MRPS23: variants seen among roughly 807,000 people sequenced by gnomAD.
MRPS23 encodes the protein small ribosomal subunit protein mS23.
Under a neutral mutation model 19.8 loss-of-function variants are expected in MRPS23, and 14 were observed. The ratio of observed to expected loss-of-function variants is 0.71; its 90% CI spans 0.47 to 1.11. MRPS23 has a LOEUF of 1.11. Ranked by LOEUF, MRPS23 falls within the 50% of genes least tolerant of loss-of-function variation. The probability of loss-of-function intolerance (pLI) is 0.00; values close to 1 mark genes in which losing one functional copy is unlikely to be tolerated. For synonymous variants in MRPS23, 113 were observed against 89.7 expected, an observed-to-expected ratio of 1.26 and a Z score of -1.47; for missense variants, 242 against 236.7, an observed-to-expected ratio of 1.02 and a Z score of -0.15.
At chr17:57,849,197 G>A (rs1431589155) in intron 2 of MRPS23, 43 bp downstream of exon 2, 1 of 1,590,398 alleles carries the variant, frequency 6.3e-7, no homozygotes, top group Admixed American at 1.7e-5. Context: ...CTTCCCTTCT[G>A]AAGTTCTGTT....
At chr17:57,843,372 T>C (rs1335187116) in intron 2 of MRPS23, among the ~76,000 whole-genome samples, 1 of 152,196 alleles carries the variant, frequency 6.6e-6, no homozygotes, top group Non-Finnish European at 1.5e-5. Context: ...TAGTTTTAAT[T>C]TGCTTTTCTT....
At chr17:57,847,292 C>CAAA (rs754912035) in intron 2 of MRPS23, among the ~76,000 whole-genome samples, 1 of 85,028 alleles carries the variant, frequency 1.2e-5, no homozygotes, top group African/African-American at 4.5e-5. Context: ...GACTCCATCT[C>CAAA]AAAAAAAAAA....
chr17:57,849,771 T>C (rs1281350240), intron 1 of MRPS23, 196 bp downstream of exon 1: 2 of 673,036 alleles, frequency 3.0e-6, no homozygotes, highest in East Asian at 2.8e-5. Context: ...ACATGACACA[T>C]AAATTCAAGG....
At chr17:57,849,689 C>G in intron 1 of MRPS23, 1 of 595,458 alleles carries the variant, frequency 1.7e-6, no homozygotes, top group South Asian at 2.2e-5. Flanking sequence ...ATAAGGAAGG[C>G]CCATCAGGCT....
At position 57,844,693 on chromosome 17, in the gene MRPS23, C is replaced by CTT. The variant is rs1444340575; in HGVS notation, c.216-3434_216-3433insAA. 3.3e-5 allele frequency among the ~76,000 whole-genome samples: 5 copies of CTT among 149,994 alleles called. No homozygotes were observed. The East Asian group carries it at 9.8e-4, about 29-fold the overall frequency. On this transcript the variant is annotated intron_variant, in intron 2 of 4. Coordinates refer to ENST00000313608, the MANE Select transcript of MRPS23 (RefSeq NM_016070.4). Reference sequence around the variant, plus strand: ...GGCTGAGAAGGAGAAATGCTTGAACCCGGGAGGTGGAGGCTGCAGTGAGCT... The same window carrying CTT: ...GGCTGAGAAGGAGAAATGCTTGAACCTTCGGGAGGTGGAGGCTGCAGTGAGCT...
chr17:57,842,836 A>G (rs377300881), intron 2 of MRPS23, among the ~76,000 whole-genome samples: 9 of 148,654 alleles, frequency 6.1e-5, no homozygotes, highest in African/African-American at 1.7e-4. Context: ...CAGCTTGGGC[A>G]ACATGGTGAG....
At chr17:57,840,652 C>CAATA (rs1363404363) in intron 4 of MRPS23, 69 of 266,900 alleles carry the variant, frequency 2.6e-4, no homozygotes, top group African/African-American at 1.4e-3. Flanking sequence ...AATATTTTAA[C>CAATA]AATAAATAAA....
At chr17:57,848,011 T>G (rs2144880176) in intron 2 of MRPS23, among the ~76,000 whole-genome samples, 1 of 151,856 alleles carries the variant, frequency 6.6e-6, no homozygotes, top group South Asian at 2.1e-4. Flanking sequence ...AAAAAAAAAT[T>G]CTTAAATAAT....
At chr17:57,846,266 G>A (rs1181352363) in intron 2 of MRPS23, among the ~76,000 whole-genome samples, 11 of 109,606 alleles carry the variant, frequency 1.0e-4, no homozygotes, top group Middle Eastern at 4.1e-3. Context: ...GGTAGCCACC[G>A]CCCGACCAGC....
intron 2 of MRPS23, among the ~76,000 whole-genome samples, chr17:57,846,928 A>T (rs1031477315): frequency 2.2e-5 from 2 of 90,370 alleles, no homozygotes; most frequent in Admixed American, 2.1e-4. Context: ...TATAAAAAAT[A>T]AAAAATAATA....
rs2073702099 is a variant in MRPS23, at chr17:57,835,961, T to G, written c.*3822A>C. The G allele has an allele frequency of 6.6e-6, 1 of 151,416 alleles. No individual in the cohort carries two copies. 9.4% of individuals were successfully genotyped at this position (151,416 alleles called of 1,614,324 possible). A position where few individuals can be genotyped will look rare whatever the true frequency, so the allele number is the denominator to read the frequency against. ...TCTGCCCTCCTTTATACTTTTTTTT[T>G]TTTTTTTTTTGAGACAGTGTCTCTC... On this transcript the variant is annotated 3_prime_UTR_variant, in exon 5 of 5. Transcript: ENST00000313608.
chr17:57,846,083 GTTT>G (rs11405515), intron 2 of MRPS23, among the ~76,000 whole-genome samples: 2 of 146,030 alleles, frequency 1.4e-5, no homozygotes, highest in Non-Finnish European at 3.0e-5. Flanking sequence ...TGACATCTTT[GTTT>G]TTTTTTTTTG....
chr17:57,847,682 G>T (rs1172457129), intron 2 of MRPS23, among the ~76,000 whole-genome samples: 1 of 146,712 alleles, frequency 6.8e-6, no homozygotes, highest in African/African-American at 2.5e-5. Context: ...AAAATACTTA[G>T]ATCAGAAAAA....
At position 57,837,830 on chromosome 17, in the gene MRPS23, T is replaced by A. The variant is rs188687567; in HGVS notation, c.*1953A>T. On this transcript the variant is annotated 3_prime_UTR_variant, in exon 5 of 5. Transcript: ENST00000313608. ...TACAAAAAAAAACAAACAAAAAAAA[T>A]GTTAAAGAGCCAGGCGTGGTGGCAC... 35 of 150,290 alleles carry A rather than the reference T, an allele frequency of 2.3e-4. No individual in the cohort carries two copies. In the East Asian group the frequency reaches 6.1e-3, roughly 26 times the overall value. The allele number at this position is 150,290 out of a possible 1,614,324, so 9.3% of individuals were successfully genotyped here. A position where few individuals can be genotyped will look rare whatever the true frequency, so the allele number is the denominator to read the frequency against.
At chr17:57,845,323 A>G (rs1392718725) in intron 2 of MRPS23, among the ~76,000 whole-genome samples, 1 of 152,216 alleles carries the variant, frequency 6.6e-6, no homozygotes, top group African/African-American at 2.4e-5. Flanking sequence ...ACAAGAACAT[A>G]CTTGTTCTGC....
rs2073794873 is a variant in MRPS23, at chr17:57,849,085, G to A, written c.215+155C>T. 3.5e-6 allele frequency: 3 copies of A among 862,268 alleles called. No individual in the cohort carries two copies. The South Asian group carries it at 5.6e-5, about 16-fold the overall frequency. The allele number at this position is 862,268 out of a possible 1,614,324, so 53.4% of individuals were successfully genotyped here. A position where few individuals can be genotyped will look rare whatever the true frequency, so the allele number is the denominator to read the frequency against. On this transcript the variant is annotated intron_variant, in intron 2 of 4. Transcript: ENST00000313608. The stretch of plus-strand genomic sequence containing the variant: ...CTTTTCAGAACTTCAGTTTCACTAT[G>A]AGGAAGGGGTGCTGCCTCCCTAATT...
intron 2 of MRPS23, 174 bp downstream of exon 2, chr17:57,849,066 A>T: frequency 1.3e-6 from 1 of 759,520 alleles, no homozygotes; most frequent in Non-Finnish European, 2.0e-6. Context: ...TCCACTTTTC[A>T]GAACTTCAGT....
intron 2 of MRPS23, among the ~76,000 whole-genome samples, chr17:57,846,236 C>T (rs1322251762): frequency 2.1e-5 from 3 of 143,204 alleles, no homozygotes; most frequent in East Asian, 2.0e-4. Context: ...CCAGCCGCCC[C>T]GTCCGGGAGG....
At position 57,839,634 on chromosome 17, in the gene MRPS23, CT is replaced by C. The variant is rs1201049059; in HGVS notation, c.*148del. 3.6e-5 allele frequency: 36 copies of C among 1,000,442 alleles called. No homozygotes were observed. The African/African-American group carries it at 5.1e-4, about 14-fold the overall frequency. 62.0% of individuals were successfully genotyped at this position (1,000,442 alleles called of 1,614,324 possible). ...GCTTCTGTCAAACCATGATACTGAG[CT>C]TTGTGACAACCCAGAAATAACTAAG... is the stretch of plus-strand genomic sequence containing the variant. On this transcript the variant is annotated 3_prime_UTR_variant, in exon 5 of 5. Transcript: ENST00000313608.
Sources: allele counts gnomAD v4.1 joint callset (sites outside exome capture counted in the v4.1 genomes callset), GRCh38; gene constraint gnomAD v4.1.1; transcripts MANE v1.5; gene names NCBI Gene and HGNC (gene_info 2026-07-23, HGNC 2026-07-21).